The following LRP1B variants were observed in gnomAD, a reference collection of about 807,000 sequenced individuals.
LRP1B encodes the protein low-density lipoprotein receptor-related protein 1B.
Under a neutral mutation model 556.6 loss-of-function variants are expected in LRP1B, and 217 were observed. The ratio of observed to expected loss-of-function variants is 0.39; its 90% CI spans 0.35 to 0.44. LRP1B has a LOEUF of 0.44. Among genes scored for constraint, LRP1B ranks in the 20% least tolerant of loss-of-function variants. LRP1B has a pLI of 1.00. For synonymous variants in LRP1B, 2,047 were observed against 1,865.8 expected (o/e 1.10, Z -2.50); for missense variants, 5,053 against 5,620.8 (o/e 0.90, Z 3.23).
chr2:140,986,022 T>G (rs1402172762), intron 17 of LRP1B, among the ~76,000 whole-genome samples: 2 of 151,756 alleles, frequency 1.3e-5, no homozygotes, highest in East Asian at 3.9e-4. Context: ...ATAATACTAT[T>G]CCTATTTATG....
At chr2:140,360,830 T>C (rs1180235425) in intron 72 of LRP1B, among the ~76,000 whole-genome samples, 3 of 151,638 alleles carry the variant, frequency 2.0e-5, no homozygotes, top group South Asian at 2.1e-4. Context: ...TGGCAGTTTC[T>C]GTTGCTTGCT....
chr2:141,026,016 T>C (rs907954130), intron 11 of LRP1B, among the ~76,000 whole-genome samples: 2 of 152,084 alleles, frequency 1.3e-5, no homozygotes, highest in African/African-American at 4.8e-5. Context: ...GTCTTCATTG[T>C]GAATGGGGAG....
chr2:141,091,343 A>C (rs2104910755), intron 7 of LRP1B, among the ~76,000 whole-genome samples: 1 of 152,320 alleles, frequency 6.6e-6, no homozygotes, highest in East Asian at 1.9e-4. Context: ...TAGGGAGACA[A>C]GAGGCTATCA....
intron 3 of LRP1B, among the ~76,000 whole-genome samples, chr2:141,361,316 T>C (rs147193434): frequency 3.3e-5 from 5 of 152,162 alleles, no homozygotes; most frequent in Non-Finnish European, 5.9e-5. Flanking sequence ...AATAATTGTT[T>C]TCTTAGCCCT....
chr2:140,650,647 C>T (rs1219255343), intron 41 of LRP1B, among the ~76,000 whole-genome samples: 1 of 152,120 alleles, frequency 6.6e-6, no homozygotes. Flanking sequence ...CCATGCCCGG[C>T]CGACAGTTAA....
At chr2:140,787,423 G>A (rs952183992) in intron 32 of LRP1B, among the ~76,000 whole-genome samples, 3 of 152,042 alleles carry the variant, frequency 2.0e-5, no homozygotes, top group Non-Finnish European at 4.4e-5. Context: ...TATTTGCAAA[G>A]TTTACTAGTC....
intron 2 of LRP1B, among the ~76,000 whole-genome samples, chr2:141,571,048 C>CA (rs1330520762): frequency 6.6e-6 from 1 of 151,288 alleles, no homozygotes; most frequent in Non-Finnish European, 1.5e-5. Context: ...CCCCGTCCAC[C>CA]AAGGGACAAA....
intron 7 of LRP1B, among the ~76,000 whole-genome samples, chr2:141,086,093 AACTG>A (rs765806975): frequency 5.9e-5 from 9 of 152,318 alleles, no homozygotes; most frequent in Admixed American, 1.3e-4. Context: ...TCACTTGCTT[AACTG>A]ACTATTATCC....
Position 140,702,546 on chromosome 2 carries a change from A to G in LRP1B, c.6031T>C (p.Phe2011Leu), listed in dbSNP as rs1263846974. Residue 2011 changes from phenylalanine (F) to leucine (L), a missense_variant, in exon 38 of 91, where the codon TTC becomes CTC. This residue lies in a region of LRP1B where 3,619 missense variants were observed against 3,931.9 expected (regional missense o/e 0.92). Coordinates refer to ENST00000389484, the MANE Select transcript of LRP1B (RefSeq NM_018557.3). Reference sequence around the variant, plus strand: ...GGCATTTGTCCCCATTCAGTCCAGAACAAGAGGCTGAAATTAAATTGTTAA... The same window carrying G: ...GGCATTTGTCCCCATTCAGTCCAGAGCAAGAGGCTGAAATTAAATTGTTAA... Reference protein sequence around the residue: ...IAVHPEKGLLFWTEWGQMPCI... With the variant: ...IAVHPEKGLLLWTEWGQMPCI... The G allele has an allele frequency of 3.1e-6, 5 of 1,613,080 alleles. No individual in the cohort carries two copies. The East Asian group carries it at 8.9e-5, about 29-fold the overall frequency.
intron 1 of LRP1B, among the ~76,000 whole-genome samples, chr2:142,008,379 C>G (rs538294146): frequency 6.6e-6 from 1 of 152,314 alleles, no homozygotes; most frequent in African/African-American, 2.4e-5. Context: ...CCTCTCCTTC[C>G]TAGTGTATAG....
chr2:141,841,120 TA>T (rs1374333141), intron 1 of LRP1B, among the ~76,000 whole-genome samples: 2 of 152,184 alleles, frequency 1.3e-5, no homozygotes, highest in Non-Finnish European at 1.5e-5. Context: ...ATTAGCTCTT[TA>T]TTTAAATTTT....
At chr2:141,617,434 G>C (rs1352886240) in intron 2 of LRP1B, among the ~76,000 whole-genome samples, 2 of 152,116 alleles carry the variant, frequency 1.3e-5, no homozygotes, top group East Asian at 3.9e-4. Context: ...GGTATCATTG[G>C]CTGGACTGCA....
chr2:140,697,352 C>T (rs994832471), intron 41 of LRP1B, among the ~76,000 whole-genome samples: 2 of 152,052 alleles, frequency 1.3e-5, no homozygotes, highest in African/African-American at 2.4e-5. Flanking sequence ...CAGACCTAAA[C>T]ATAACACTGA....
rs148038251 is a variant in LRP1B, at chr2:141,988,638, TAC to T, written c.82+142008_82+142009del. ...TTTTGGTAAGAGTTTATTTCAAAAC[TAC>T]TTTCACTTATCTCCCAAGAAAACAC... On this transcript the variant is annotated intron_variant, in intron 1 of 90. Transcript: ENST00000389484. Among the ~76,000 whole-genome samples the T allele has an allele frequency of 1.6e-3, 248 of 152,166 alleles. 3 individuals are homozygous for T. In the East Asian group the frequency reaches 0.025, roughly 15 times the overall value.
chr2:142,115,525 A>T (rs1253569628), intron 1 of LRP1B, among the ~76,000 whole-genome samples: 1 of 57,664 alleles, frequency 1.7e-5, no homozygotes, highest in African/African-American at 5.3e-5. Context: ...TACATATATA[A>T]TATATATATT....
intron 3 of LRP1B, among the ~76,000 whole-genome samples, chr2:141,340,359 A>C (rs1688012303): frequency 1.3e-5 from 2 of 152,220 alleles, no homozygotes; most frequent in Non-Finnish European, 2.9e-5. Context: ...AAGTCTCAGC[A>C]TACAATTTCC....
intron 86 of LRP1B, among the ~76,000 whole-genome samples, chr2:140,247,561 G>T (rs756384941): frequency 1.8e-4 from 27 of 151,484 alleles, no homozygotes; most frequent in Non-Finnish European, 4.4e-5. Context: ...TTTTCTGGTT[G>T]TTCTAAGTCC....
At chr2:140,407,107 A>C (rs1424169508) in intron 66 of LRP1B, among the ~76,000 whole-genome samples, 3 of 152,136 alleles carry the variant, frequency 2.0e-5, no homozygotes, top group African/African-American at 7.2e-5. Context: ...CATCCCATTC[A>C]ATAAATGGTG....
At chr2:142,079,550 C>G (rs764382370) in intron 1 of LRP1B, among the ~76,000 whole-genome samples, 1 of 151,624 alleles carries the variant, frequency 6.6e-6, no homozygotes, top group Non-Finnish European at 1.5e-5. Flanking sequence ...CTGTGTCGCC[C>G]AGGTTGGAGT....
Sources: gnomAD v4.1 joint callset for allele counts (sites outside exome capture counted in the v4.1 genomes callset) on GRCh38, gnomAD v4.1.1 for gene constraint, gnomAD v4.1.1 regional missense constraint, MANE v1.5 for transcripts, NCBI Gene and HGNC (gene_info 2026-07-23, HGNC 2026-07-21) for gene names.